PIWIL3: variants seen among roughly 807,000 people sequenced by gnomAD.
PIWIL3 encodes piwi-like protein 3.
Under a neutral mutation model 109.7 loss-of-function variants are expected in PIWIL3, and 101 were observed. The observed-to-expected ratio is 0.92, with a 90% confidence interval of 0.78 to 1.09. PIWIL3 has a LOEUF of 1.09. Ranked by LOEUF, PIWIL3 falls within the 50% of genes least tolerant of loss-of-function variation. The pLI is 0.00. For missense variants in PIWIL3, 1,031 were observed against 1,072.6 expected (o/e 0.96, Z 0.54); for synonymous variants, 373 against 376.4 (o/e 0.99, Z 0.10).
intron 2 of PIWIL3, among the ~76,000 whole-genome samples, chr22:24,761,185 G>C (rs1043003820): frequency 6.6e-6 from 1 of 151,820 alleles, no homozygotes; most frequent in Non-Finnish European, 1.5e-5. Flanking sequence ...TAAATATGGG[G>C]ACCTGTCCAC....
At chr22:24,741,704 G>A (rs527876138) in intron 12 of PIWIL3, among the ~76,000 whole-genome samples, 17 of 152,168 alleles carry the variant, frequency 1.1e-4, no homozygotes, top group African/African-American at 4.1e-4. Flanking sequence ...AGACCACAGT[G>A]GAGTAAAACT....
chr22:24,724,420 C>A (rs949410695), intron 18 of PIWIL3, among the ~76,000 whole-genome samples: 1 of 151,534 alleles, frequency 6.6e-6, no homozygotes, highest in African/African-American at 2.4e-5. Flanking sequence ...CACCACCATG[C>A]TCAGCTAATT....
intron 12 of PIWIL3, among the ~76,000 whole-genome samples, chr22:24,742,657 A>G (rs941149846): frequency 3.3e-5 from 5 of 152,164 alleles, no homozygotes; most frequent in Non-Finnish European, 7.4e-5. Context: ...GGAAAGGATA[A>G]CCTATTCAAC....
chr22:24,750,279 C>T (rs1426395580), intron 9 of PIWIL3, among the ~76,000 whole-genome samples: 1 of 152,142 alleles, frequency 6.6e-6, no homozygotes, highest in Non-Finnish European at 1.5e-5. Context: ...CCGTTAGGCC[C>T]TTTTTCCATC....
chr22:24,762,447 C>T lies in PIWIL3; in HGVS notation c.53G>A (p.Ser18Asn), dbSNP rs777908481. 3.1e-6 allele frequency: 5 copies of T among 1,614,046 alleles called. No homozygotes were observed. The South Asian group carries it at 5.5e-5, about 18-fold the overall frequency. Residue 18 changes from serine (S) to asparagine (N), a missense_variant, in exon 2 of 21, where the codon AGC becomes AAC. By Grantham distance (46) the Ser-to-Asn change is conservative (BLOSUM62 1). Coordinates refer to ENST00000616349, the MANE Select transcript of PIWIL3 (RefSeq NM_001255975.1). ...TCCCCCAGGTGCCTCTTGTTGGTAGCTCTCCCTGCGGCGGGCTCTGCCTCG... is the reference window on the plus strand; with the variant it reads ...TCCCCCAGGTGCCTCTTGTTGGTAGTTCTCCCTGCGGCGGGCTCTGCCTCG... Reference protein sequence around the residue: ...RARGRARRRESYQQEAPGGPR... With the variant: ...RARGRARRRENYQQEAPGGPR...
At chr22:24,755,527 G>A (rs1023260099) in intron 6 of PIWIL3, among the ~76,000 whole-genome samples, 11 of 152,068 alleles carry the variant, frequency 7.2e-5, no homozygotes, top group Non-Finnish European at 1.3e-4. Context: ...GTGCACAGCT[G>A]ATGTCTATTA....
chr22:24,753,935 G>C, intron 8 of PIWIL3, 79 bp downstream of exon 8: 1 of 1,251,200 alleles, frequency 8.0e-7, no homozygotes, highest in East Asian at 2.3e-5. Context: ...TTAGTGATTA[G>C]AAAACTATAG....
At position 24,719,336 on chromosome 22, in the gene PIWIL3, T is replaced by A. The variant is rs1468779839; in HGVS notation, c.*136A>T. On this transcript the variant is annotated 3_prime_UTR_variant, in exon 21 of 21. Coordinates refer to ENST00000616349, the MANE Select transcript of PIWIL3 (RefSeq NM_001255975.1). ...TGAGAGTAGAACATATCACTCTGAA[T>A]CTCTCCTGTGTCCAATCAAAAACGA... The A allele has an allele frequency of 1.5e-6, 1 of 649,828 alleles. No homozygotes were observed. Among genetic ancestry groups the A allele is most frequent in the Non-Finnish European group, 2.6e-6 (1 of 382,084 alleles). 40.3% of individuals were successfully genotyped at this position (649,828 alleles called of 1,614,324 possible).
At chr22:24,744,178 TAAAAAAAAAAAA>T (rs1188611412) in intron 12 of PIWIL3, among the ~76,000 whole-genome samples, 1 of 34,318 alleles carries the variant, frequency 2.9e-5, no homozygotes, top group East Asian at 1.7e-3. Flanking sequence ...GTGACCGAAT[TAAAAAAAAAAAA>T]AAAAAAAAAA....
chr22:24,749,729 G>C lies in PIWIL3; in HGVS notation c.1180C>G (p.Pro394Ala), dbSNP rs1167370417. 2 of 1,613,334 alleles carry C rather than the reference G, an allele frequency of 1.2e-6. No individual in the cohort carries two copies. Among genetic ancestry groups the C allele is most frequent in the East Asian group, 4.5e-5 (2 of 44,768 alleles). ...KKGLTGTQRE[P>A]ILLIPQLCHM... ...CACAGCTGAGGAATCAGCAGGATAG[G>C]TTCACGTTGTGTACCCGTTAGGCCC... The change falls in exon 10 of 21, where the codon CCT (proline) becomes GCT (alanine). Residue 394 changes from proline (P) to alanine (A), a missense_variant. Physicochemically the swap from Pro to Ala is conservative, Grantham distance 27. Transcript: ENST00000616349.
chr22:24,744,177 TTAAAAAAAA>T lies in PIWIL3; in HGVS notation c.1449+4721_1449+4729del, dbSNP rs1334896406. On this transcript the variant is annotated intron_variant, in intron 12 of 20. Coordinates refer to ENST00000616349, the MANE Select transcript of PIWIL3 (RefSeq NM_001255975.1). ...AACTCTAATTGAAAGAGTGACCGAA[TTAAAAAAAA>T]AAAAAAAAAAAAAAAAAAAAACAAT... 1.5e-3 allele frequency among the ~76,000 whole-genome samples: 53 copies of T among 35,860 alleles called. 3 individuals are homozygous for T. Among genetic ancestry groups the T allele is most frequent in the Admixed American group, 0.01 (26 of 2,494 alleles). 23.5% of individuals were successfully genotyped at this position (35,860 alleles called of 152,430 possible). A position where few individuals can be genotyped will look rare whatever the true frequency, so the allele number is the denominator to read the frequency against.
rs536115454 is a variant in PIWIL3 at position 24,761,703 on chromosome 22, C to T, written c.102+695G>A. Among the ~76,000 whole-genome samples the T allele has an allele frequency of 4.0e-5, 6 of 151,268 alleles. No homozygotes were observed. The East Asian group carries it at 9.8e-4, about 25-fold the overall frequency. On this transcript the variant is annotated intron_variant, in intron 2 of 20. Coordinates refer to ENST00000616349, the MANE Select transcript of PIWIL3 (RefSeq NM_001255975.1). ...AGGGGCTGGACTATGGGTTCAGATGCTCATGAGTGAGGGGACAAGAGAGGG... is the reference window on the plus strand; with the variant it reads ...AGGGGCTGGACTATGGGTTCAGATGTTCATGAGTGAGGGGACAAGAGAGGG...
chr22:24,753,911 C>T (rs771145812), intron 8 of PIWIL3, 103 bp downstream of exon 8: 8 of 1,013,116 alleles, frequency 7.9e-6, no homozygotes, highest in South Asian at 4.8e-5. Flanking sequence ...ATTTCTACTC[C>T]TCAACTTCAA....
At chr22:24,727,248 C>T (rs1427934276) in intron 16 of PIWIL3, among the ~76,000 whole-genome samples, 1 of 152,178 alleles carries the variant, frequency 6.6e-6, no homozygotes, top group Non-Finnish European at 1.5e-5. Flanking sequence ...GGCAGAATAC[C>T]ACCCCTGTGA....
At chr22:24,756,197 TG>T (rs1223772287) in intron 5 of PIWIL3, among the ~76,000 whole-genome samples, 1 of 151,324 alleles carries the variant, frequency 6.6e-6, no homozygotes, top group Non-Finnish European at 1.5e-5. Flanking sequence ...CTGCTAGGAG[TG>T]GGGGGCTGAA....
chr22:24,759,743 GCA>G, intron 3 of PIWIL3, 124 bp downstream of exon 3: 2 of 1,364,296 alleles, frequency 1.5e-6, no homozygotes, highest in East Asian at 2.3e-5. Context: ...GTTGCAAGCT[GCA>G]CACACTTCCC....
At chr22:24,746,577 T>C (rs1197790065) in intron 12 of PIWIL3, among the ~76,000 whole-genome samples, 2 of 151,044 alleles carry the variant, frequency 1.3e-5, no homozygotes, top group Admixed American at 1.3e-4. Flanking sequence ...ATACAAAAGA[T>C]TAAGATAATC....
intron 1 of PIWIL3, among the ~76,000 whole-genome samples, chr22:24,769,034 C>A (rs5760629): frequency 0.41 from 62,335 of 151,882 alleles, 13,192 homozygotes; most frequent in East Asian, 0.58. Flanking sequence ...ACGAGGCCAA[C>A]TATACAGTCC....
intron 3 of PIWIL3, 53 bp downstream of exon 3, chr22:24,759,816 C>A: frequency 6.2e-7 from 1 of 1,611,938 alleles, no homozygotes; most frequent in Non-Finnish European, 8.5e-7. Flanking sequence ...CTGTGGTAGC[C>A]CTTCACACAT....
Sources: gnomAD v4.1 joint callset for allele counts (sites outside exome capture counted in the v4.1 genomes callset) on GRCh38, gnomAD v4.1.1 for gene constraint, MANE v1.5 for transcripts, NCBI Gene and HGNC (gene_info 2026-07-23, HGNC 2026-07-21) for gene names.